The following LGR4 variants were observed in gnomAD, a reference collection of about 807,000 sequenced individuals.
The protein encoded by LGR4 is leucine rich repeat containing G protein-coupled receptor 4, also known as leucine-rich repeat-containing G protein-coupled receptor 4.
LGR4 carries 44 observed loss-of-function variants against 84.8 expected under a neutral mutation model. That is an observed-to-expected ratio of 0.52 (90% CI 0.41 to 0.67). LGR4 has a LOEUF of 0.67. Ranked by LOEUF, LGR4 falls within the 30% of genes least tolerant of loss-of-function variation. The pLI is 0.00. For missense variants in LGR4, 1,032 were observed against 1,131.4 expected, an observed-to-expected ratio of 0.91 and a Z score of 1.26; for synonymous variants, 429 against 434.3, an observed-to-expected ratio of 0.99 and a Z score of 0.15.
chr11:27,369,294 T>C (rs1862837577), intron 17 of LGR4, 151 bp from the exon 18 acceptor site: 4 of 516,120 alleles, frequency 7.8e-6, no homozygotes, highest in Non-Finnish European at 1.3e-5. Context: ...AGTTCTAAGA[T>C]ATTTTGGTCA....
Position 27,366,701 on chromosome 11 carries a change from C to G in LGR4, c.*1166G>C. The G allele has an allele frequency of 6.6e-6, 1 of 152,470 alleles. No individual in the cohort carries two copies. The highest frequency in any genetic ancestry group is 6.6e-5 in the Admixed American group (1 of 15,262). 9.4% of individuals were successfully genotyped at this position (152,470 alleles called of 1,614,324 possible). A position where few individuals can be genotyped will look rare whatever the true frequency, so the allele number is the denominator to read the frequency against. On this transcript the variant is annotated 3_prime_UTR_variant, in exon 18 of 18. Transcript: ENST00000379214. Reference sequence around the variant, plus strand: ...TAATTTTTAAAGACACAGGACTAAGCTTTATTCTTTCTTCTTCTATTTTTA... The same window carrying G: ...TAATTTTTAAAGACACAGGACTAAGGTTTATTCTTTCTTCTTCTATTTTTA...
chr11:27,468,419 C>T (rs1345092264), intron 1 of LGR4, among the ~76,000 whole-genome samples: 2 of 152,170 alleles, frequency 1.3e-5, no homozygotes, highest in Admixed American at 1.3e-4. Flanking sequence ...CTTAGCTAGT[C>T]ATGCATTCTG....
At chr11:27,428,818 G>C (rs144826360) in intron 1 of LGR4, among the ~76,000 whole-genome samples, 1 of 152,134 alleles carries the variant, frequency 6.6e-6, no homozygotes, top group South Asian at 2.1e-4. Flanking sequence ...GGACTCAAGG[G>C]ATCCTCCTGC....
chr11:27,432,918 A>T (rs1431517588), intron 1 of LGR4, among the ~76,000 whole-genome samples: 1 of 152,142 alleles, frequency 6.6e-6, no homozygotes, highest in Non-Finnish European at 1.5e-5. Flanking sequence ...TCAAAACCTG[A>T]GTAGTCTGTA....
At chr11:27,431,328 C>T (rs1864113284) in intron 1 of LGR4, among the ~76,000 whole-genome samples, 1 of 152,160 alleles carries the variant, frequency 6.6e-6, no homozygotes, top group South Asian at 2.1e-4. Flanking sequence ...GATGCACATT[C>T]ACATGTGAGA....
At position 27,371,679 on chromosome 11, in the gene LGR4, AT is replaced by A. The variant is rs1862885957; in HGVS notation, c.1514del (p.Asn505MetfsTer14). 6.2e-7 allele frequency: 1 copy of A among 1,612,200 alleles called. No homozygotes were observed. The highest frequency in any genetic ancestry group is 1.3e-5 in the African/African-American group (1 of 74,882). ...CTTCATTTTCAAGAGTGCTTGTGAC[AT>A]TTGCTGCATCAGCAGTACCTGAACA... Reference protein sequence around the residue: ...AQEKGTADAANVTSTLENEEH... With the variant: ...AQEKGTADAAXVTSTLENEEH... On this transcript the variant is annotated frameshift_variant, in exon 17 of 18. Coordinates refer to ENST00000379214, the MANE Select transcript of LGR4 (RefSeq NM_018490.5). LOFTEE classifies it high-confidence loss of function.
chr11:27,368,001 A>T lies in LGR4; in HGVS notation c.2722T>A (p.Tyr908Asn). The T allele has an allele frequency of 6.2e-7, 1 of 1,614,104 alleles. No homozygotes were observed. The highest frequency in any genetic ancestry group is 8.5e-7 in the Non-Finnish European group (1 of 1,179,964). The change falls in exon 18 of 18, where the codon TAT becomes AAT. Residue 908 changes from tyrosine to asparagine, a missense_variant. Physicochemically the swap from Tyr to Asn is moderately radical, Grantham distance 143 (BLOSUM62 -2). Coordinates refer to ENST00000379214, the MANE Select transcript of LGR4 (RefSeq NM_018490.5). ...DCGTQSAHSD[Y>N]ADEEDSFVSD... ...ACAAAGGAATCTTCTTCATCTGCATAATCAGAGTGGGCCGACTGTGTGCCA... is the reference window on the plus strand; with the variant it reads ...ACAAAGGAATCTTCTTCATCTGCATTATCAGAGTGGGCCGACTGTGTGCCA...
intron 7 of LGR4, among the ~76,000 whole-genome samples, chr11:27,381,283 G>A (rs899722258): frequency 6.6e-6 from 1 of 152,186 alleles, no homozygotes; most frequent in Admixed American, 6.5e-5. Context: ...ACTGTAGCCT[G>A]TATTTAGCCT....
chr11:27,455,022 C>A (rs1481175195), intron 1 of LGR4, among the ~76,000 whole-genome samples: 2 of 152,138 alleles, frequency 1.3e-5, no homozygotes, highest in African/African-American at 4.8e-5. Context: ...TAATGCTCTT[C>A]CACTTGCCTT....
At chr11:27,464,736 G>A (rs1864746042) in intron 1 of LGR4, among the ~76,000 whole-genome samples, 1 of 152,060 alleles carries the variant, frequency 6.6e-6, no homozygotes. Flanking sequence ...TCCCCAAATA[G>A]AACTTTAAAA....
intron 1 of LGR4, among the ~76,000 whole-genome samples, chr11:27,414,513 C>G (rs996597709): frequency 6.6e-6 from 1 of 152,112 alleles, no homozygotes; most frequent in African/African-American, 2.4e-5. Context: ...TTAGATGAGT[C>G]TTATGACCAT....
At chr11:27,468,743 A>G (rs1221816990) in intron 1 of LGR4, among the ~76,000 whole-genome samples, 1 of 152,078 alleles carries the variant, frequency 6.6e-6, no homozygotes, top group African/African-American at 2.4e-5. Context: ...AGGCCATTCA[A>G]TTACTCAGTG....
intron 4 of LGR4, among the ~76,000 whole-genome samples, chr11:27,390,725 C>T (rs1441462932): frequency 6.6e-6 from 1 of 152,168 alleles, no homozygotes; most frequent in Non-Finnish European, 1.5e-5. Context: ...TTCTGATTAT[C>T]ATTACCACAC....
chr11:27,404,687 C>T (rs559594577), intron 2 of LGR4, among the ~76,000 whole-genome samples: 14 of 152,066 alleles, frequency 9.2e-5, no homozygotes, highest in South Asian at 4.1e-4. Flanking sequence ...GACAGGCATA[C>T]GAGGTCAGTC....
intron 1 of LGR4, among the ~76,000 whole-genome samples, chr11:27,468,481 C>T (rs1325449888): frequency 6.6e-6 from 1 of 152,198 alleles, no homozygotes; most frequent in East Asian, 1.9e-4. Flanking sequence ...ACACAAAGAA[C>T]TCCTCCAAGT....
intron 16 of LGR4, 78 bp from the exon 17 acceptor site, chr11:27,371,776 T>G: frequency 1.0e-5 from 10 of 985,326 alleles, no homozygotes; most frequent in Non-Finnish European, 1.6e-5. Context: ...CAATTTTCTC[T>G]GTATATAAGT....
Position 27,367,953 on chromosome 11 carries a change from G to T in LGR4, c.2770C>A (p.Gln924Lys). ...TAGAAGCAGGCTCGTCCACAGGCCT[G>T]CACCTGGTCAGAACTGTCTGAGACA... ...SFVSDSSDQV[Q>K]ACGRACFYQS... is the part of the protein sequence containing the mutation. The change falls in exon 18 of 18, where the codon CAG (glutamine) becomes AAG (lysine). Residue 924 changes from glutamine to lysine, a missense_variant. Transcript: ENST00000379214. The T allele has an allele frequency of 6.2e-7, 1 of 1,614,076 alleles. No homozygotes were observed.
chr11:27,447,932 A>C (rs966481303), intron 1 of LGR4, among the ~76,000 whole-genome samples: 1 of 152,218 alleles, frequency 6.6e-6, no homozygotes, highest in Non-Finnish European at 1.5e-5. Context: ...TATGCATGTT[A>C]TATTTAATAT....
chr11:27,472,020 C>CGGGGT (rs1864883152), intron 1 of LGR4, 98 bp downstream of exon 1: 8 of 870,858 alleles, frequency 9.2e-6, no homozygotes, highest in Non-Finnish European at 1.0e-5. Flanking sequence ...GGCGGCGGGG[C>CGGGGT]GGGGTGGGGT....
Sources: allele counts gnomAD v4.1 joint callset (sites outside exome capture counted in the v4.1 genomes callset), GRCh38; gene constraint gnomAD v4.1.1; transcripts MANE v1.5; gene names NCBI Gene and HGNC (gene_info 2026-07-23, HGNC 2026-07-21).